REV1: variants seen among roughly 807,000 people sequenced by gnomAD.
REV1 encodes the protein REV1 DNA directed polymerase, also known as translesion synthesis protein REV1.
REV1 carries 42 observed loss-of-function variants against 137.4 expected under a neutral mutation model. The observed-to-expected ratio is 0.31, with a 90% CI of 0.24 to 0.40. The LOEUF (loss-of-function observed/expected upper bound fraction) is 0.40, where lower values mean the gene tolerates loss of function less well. Among genes scored for constraint, REV1 ranks in the 10% least tolerant of loss-of-function variants. The pLI is 1.00. For synonymous variants in REV1, 524 were observed against 519.2 expected (o/e 1.01, Z -0.12); for missense variants, 1,282 against 1,490.1 (o/e 0.86, Z 2.30).
chr2:99,406,311 T>C lies in REV1; in HGVS notation c.2614+14A>G. 1 of 1,599,278 alleles carries C rather than the reference T, an allele frequency of 6.3e-7. No individual in the cohort carries two copies. Among genetic ancestry groups the C allele is most frequent in the East Asian group, 2.2e-5 (1 of 44,674 alleles). On this transcript the variant is annotated intron_variant, in intron 16 of 22. Coordinates refer to ENST00000258428, the MANE Select transcript of REV1 (RefSeq NM_016316.4). Reference sequence around the variant, plus strand: ...AGCAGCACCTAAAAAAGAACCACATTGATGACCACCAACCTTCTTTGTGCT... The same window carrying C: ...AGCAGCACCTAAAAAAGAACCACATCGATGACCACCAACCTTCTTTGTGCT...
chr2:99,460,142 T>C (rs1684016037), intron 3 of REV1, among the ~76,000 whole-genome samples: 2 of 152,202 alleles, frequency 1.3e-5, no homozygotes, highest in African/African-American at 4.8e-5. Flanking sequence ...AGTGGCGCAA[T>C]CTCGGCTCAC....
chr2:99,445,124 T>C (rs1274353167), intron 4 of REV1, among the ~76,000 whole-genome samples: 3 of 102,066 alleles, frequency 2.9e-5, no homozygotes, highest in African/African-American at 1.3e-4. Context: ...GCCTCTGCGT[T>C]TAGGAACAAA....
rs755184253 is a variant in REV1, at chr2:99,416,912, CAAAAAAA to C, written c.1951+1909_1951+1915del. Among the ~76,000 whole-genome samples, 629 of 77,838 alleles carry C rather than the reference CAAAAAAA, an allele frequency of 8.1e-3. 9 individuals carry two copies. Among genetic ancestry groups the C allele is most frequent in the African/African-American group, 0.034 (568 of 16,636 alleles). 51.1% of individuals were successfully genotyped at this position (77,838 alleles called of 152,430 possible). On this transcript the variant is annotated intron_variant, in intron 12 of 22. Transcript: ENST00000258428. ...TGGGCAACAGAGCAAGACTCCATCT[CAAAAAAA>C]AAAAAAAAAAAAAAGAAATAAAGTC...
intron 2 of REV1, among the ~76,000 whole-genome samples, chr2:99,464,360 T>C (rs1684573756): frequency 6.6e-6 from 1 of 152,226 alleles, no homozygotes; most frequent in Admixed American, 6.5e-5. Flanking sequence ...ATGAAGTTTC[T>C]TTTCAGAAAA....
At position 99,476,698 on chromosome 2, in the gene REV1, G is replaced by A. The variant is rs183821531; in HGVS notation, c.-10-11713C>T. Among the ~76,000 whole-genome samples, 396 of 152,276 alleles carry A rather than the reference G, an allele frequency of 2.6e-3. 1 individual carries two copies. The highest frequency in any genetic ancestry group is 8.9e-3 in the African/African-American group (370 of 41,558). ...TGTATTATCAACCTCCTGAAGGGCT[G>A]AAAACTAAAGGTCAACCATGCCAAC... On this transcript the variant is annotated intron_variant, in intron 1 of 22. Coordinates refer to ENST00000258428, the MANE Select transcript of REV1 (RefSeq NM_016316.4).
At chr2:99,435,420 A>T (rs535960282) in intron 7 of REV1, 2 of 153,386 alleles carry the variant, frequency 1.3e-5, no homozygotes, top group Admixed American at 6.5e-5. Context: ...CTATCCTACA[A>T]TCAAAAAGTT....
chr2:99,410,070 G>A (rs181459500), intron 14 of REV1, among the ~76,000 whole-genome samples: 32 of 152,028 alleles, frequency 2.1e-4, no homozygotes, highest in Non-Finnish European at 4.4e-4. Context: ...GAGTGCACTG[G>A]CGCGATCTCA....
At chr2:99,452,842 C>T (rs180719007) in intron 3 of REV1, among the ~76,000 whole-genome samples, 6 of 152,266 alleles carry the variant, frequency 3.9e-5, no homozygotes, top group East Asian at 1.9e-4. Context: ...AAATTAGAGA[C>T]GCCATATAAT....
intron 2 of REV1, chr2:99,462,924 C>T (rs944824135): frequency 2.0e-5 from 4 of 202,736 alleles, no homozygotes; most frequent in Non-Finnish European, 3.9e-5. Context: ...CCCGTCTCTA[C>T]TAAAAATACA....
chr2:99,450,006 T>C (rs1380565232), intron 3 of REV1, among the ~76,000 whole-genome samples: 1 of 152,172 alleles, frequency 6.6e-6, no homozygotes, highest in Non-Finnish European at 1.5e-5. Context: ...ATTTTACTTC[T>C]AGAAAGCTTT....
intron 14 of REV1, among the ~76,000 whole-genome samples, chr2:99,408,852 GATCCTTTCC>G (rs1469016478): frequency 6.6e-6 from 1 of 152,214 alleles, no homozygotes; most frequent in Non-Finnish European, 1.5e-5. Flanking sequence ...TGTTTTGGAT[GATCCTTTCC>G]ATGTATAATG....
intron 8 of REV1, chr2:99,431,884 C>CG: frequency 1.0e-6 from 1 of 985,412 alleles, no homozygotes; most frequent in Non-Finnish European, 1.2e-6. Flanking sequence ...ACAAACTAGA[C>CG]GGGCACATGG....
intron 8 of REV1, chr2:99,431,675 A>C (rs1349160042): frequency 1.1e-6 from 1 of 951,686 alleles, no homozygotes; most frequent in Non-Finnish European, 1.3e-6. Context: ...TCTGTGGTCC[A>C]TGCGCCCCCA....
At chr2:99,410,622 T>C in intron 14 of REV1, 73 bp downstream of exon 14, 6 of 1,326,946 alleles carry the variant, frequency 4.5e-6, no homozygotes, top group Non-Finnish European at 6.2e-6. Flanking sequence ...TCCTTGGTTT[T>C]CTTCATTTTC....
chr2:99,404,402 G>T, intron 18 of REV1, 42 bp downstream of exon 18: 1 of 1,529,844 alleles, frequency 6.5e-7, no homozygotes, highest in South Asian at 1.1e-5. Flanking sequence ...AGGGGGGTGA[G>T]AATATTGAAA....
At chr2:99,454,031 T>C (rs930775711) in intron 3 of REV1, among the ~76,000 whole-genome samples, 4 of 152,144 alleles carry the variant, frequency 2.6e-5, no homozygotes, top group Non-Finnish European at 4.4e-5. Context: ...TCTTTGCCTT[T>C]TTATTTTTTA....
rs769641015 is a variant in REV1, at chr2:99,465,000, A to G, written c.-10-15T>C. On this transcript the variant is annotated splice_polypyrimidine_tract_variant and intron_variant, in intron 1 of 22. Transcript: ENST00000258428. ...TGGTGGAGCTTCTGTATTGGGGAGG[A>G]AAAAAAAAATGTCAATTTTATAACA... The G allele has an allele frequency of 3.5e-6, 5 of 1,431,808 alleles. No individual in the cohort carries two copies. The highest frequency in any genetic ancestry group is 1.8e-4 in the Middle Eastern group (1 of 5,544). 88.7% of individuals were successfully genotyped at this position (1,431,808 alleles called of 1,614,324 possible). A position where few individuals can be genotyped will look rare whatever the true frequency, so the allele number is the denominator to read the frequency against.
At chr2:99,479,343 AAC>A (rs1491377913) in intron 1 of REV1, among the ~76,000 whole-genome samples, 2 of 151,148 alleles carry the variant, frequency 1.3e-5, no homozygotes, top group Non-Finnish European at 2.9e-5. Context: ...AAAAAAAAAA[AAC>A]AAAAAGATTA....
chr2:99,452,387 C>T (rs1683027249), intron 3 of REV1, among the ~76,000 whole-genome samples: 1 of 145,260 alleles, frequency 6.9e-6, no homozygotes, highest in Non-Finnish European at 1.5e-5. Context: ...TGCACCACTG[C>T]ACTCCAGCCT....
Sources: allele counts gnomAD v4.1 joint callset (sites outside exome capture counted in the v4.1 genomes callset), GRCh38; gene constraint gnomAD v4.1.1; transcripts MANE v1.5; gene names NCBI Gene and HGNC (gene_info 2026-07-23, HGNC 2026-07-21).